Variants in FAM153A observed in about 807,000 individuals in gnomAD.
The protein encoded by FAM153A is protein FAM153A.
In FAM153A, 12 loss-of-function variants were observed where a neutral mutation model predicts 48.1. The observed-to-expected ratio is 0.25, with a 90% CI of 0.16 to 0.40. The LOEUF is 0.40. Among genes scored for constraint, FAM153A ranks in the 10% least tolerant of loss-of-function variants. FAM153A has a pLI of 1.00. For missense variants in FAM153A, 111 were observed against 345.8 expected (o/e 0.32, Z 5.38); for synonymous variants, 36 against 118.2 (o/e 0.30, Z 4.51).
At chr5:177,696,056 C>A in the FAM153A span, among the ~76,000 whole-genome samples, 2 of 138,008 alleles carry the variant, frequency 1.4e-5, no homozygotes, top group African/African-American at 2.8e-5. Flanking sequence ...GCGCTCCTCA[C>A]TTCCCAGATG....
chr5:177,715,846 A>T lies in FAM153A; in HGVS notation c.*1222+499T>A, dbSNP rs561325842. Among the ~76,000 whole-genome samples, 6 of 150,958 alleles carry T rather than the reference A, an allele frequency of 4.0e-5. No individual in the cohort carries two copies. In the South Asian group the frequency reaches 1.0e-3, roughly 26 times the overall value. ...AGCCTCCTGCGCAGCTAATTTTTAA[A>T]TTTTTTTTTGTAGAAACGGGGTCTT... On this transcript the variant is annotated intron_variant and NMD_transcript_variant, in intron 25 of 26. Transcript: ENST00000360669.
At chr5:177,719,389 C>CA (rs1281790837), downstream of FAM153A, among the ~76,000 whole-genome samples, 20 of 145,870 alleles carry the variant, frequency 1.4e-4, no homozygotes, top group Admixed American at 2.8e-4. Flanking sequence ...TTACCTCTAT[C>CA]AAAAAAGTAC....
downstream of FAM153A, among the ~76,000 whole-genome samples, chr5:177,717,649 G>A (rs992897419): frequency 7.0e-6 from 1 of 143,480 alleles, no homozygotes; most frequent in African/African-American, 2.7e-5. Context: ...AGCAATCGTG[G>A]GACAAACAGA....
At chr5:177,753,432 A>G (rs1000456208), upstream of FAM153A, 1 of 413,282 alleles carries the variant, frequency 2.4e-6, no homozygotes, top group Admixed American at 5.0e-5. Context: ...TTTCATTTCA[A>G]AAACTGAATC....
chr5:177,700,631 G>T, the FAM153A span, among the ~76,000 whole-genome samples: 1 of 151,732 alleles, frequency 6.6e-6, no homozygotes, highest in Non-Finnish European at 1.5e-5. Flanking sequence ...GTGAAATGCC[G>T]TCTCTACTAA....
chr5:177,737,848 C>T (rs778493848), intron 10 of FAM153A, among the ~76,000 whole-genome samples: 2 of 151,716 alleles, frequency 1.3e-5, no homozygotes, highest in Non-Finnish European at 2.9e-5. Context: ...AACAAAGCAA[C>T]CTTTCTTCAA....
At chr5:177,712,221 C>T (rs1175739405) in exon 27 of FAM153A, 1 of 151,766 alleles carries the variant, frequency 6.6e-6, no homozygotes, top group African/African-American at 2.4e-5. Flanking sequence ...CCTTTAATCC[C>T]AGAACTTTGG....
chr5:177,753,044 T>G (rs1767236262), intron 1 of FAM153A: 1 of 612,056 alleles, frequency 1.6e-6, no homozygotes, highest in African/African-American at 2.2e-5. Context: ...AATAAAACTC[T>G]GAAACATATT....
rs1253592596 is a variant in FAM153A, at chr5:177,768,994, C to T, written c.-57+11455G>A. Among the ~76,000 whole-genome samples the T allele has an allele frequency of 4.4e-5, 4 of 90,418 alleles. 1 individual carries two copies. The highest frequency in any genetic ancestry group is 8.4e-4 in the South Asian group (2 of 2,370). The allele number at this position is 90,418 out of a possible 152,430, so 59.3% of individuals were successfully genotyped here. A position where few individuals can be genotyped will look rare whatever the true frequency, so the allele number is the denominator to read the frequency against. On this transcript the variant is annotated intron_variant, in intron 1 of 8. Transcript: ENST00000393518. Reference sequence around the variant, plus strand: ...ATCCCAGCACTTTGGGAGGCCGAGGCGGGCAGATCACGAGGTCAGGAGATC... The same window carrying T: ...ATCCCAGCACTTTGGGAGGCCGAGGTGGGCAGATCACGAGGTCAGGAGATC...
intron 1 of FAM153A, among the ~76,000 whole-genome samples, chr5:177,758,512 C>T (rs10903251): frequency 0.48 from 53,894 of 111,670 alleles, 14,368 homozygotes; most frequent in Middle Eastern, 0.56. Flanking sequence ...GAGCCCGCAT[C>T]GCCAAGTCAA....
At chr5:177,749,215 T>G (rs1427081292) in intron 2 of FAM153A, among the ~76,000 whole-genome samples, 1 of 151,764 alleles carries the variant, frequency 6.6e-6, no homozygotes, top group Admixed American at 6.6e-5. Context: ...TGCAGTAAAC[T>G]AAATGTAATC....
downstream of FAM153A, chr5:177,706,653 C>T (rs1421308492): frequency 6.6e-6 from 1 of 151,860 alleles, no homozygotes; most frequent in East Asian, 1.9e-4. Flanking sequence ...AACCAGGACA[C>T]ACTATTTTCT....
the FAM153A span, among the ~76,000 whole-genome samples, chr5:177,694,619 T>C: frequency 1.4e-5 from 1 of 73,882 alleles, no homozygotes; most frequent in Admixed American, 1.7e-4. Flanking sequence ...GGGGATTTTA[T>C]AGGATGGCGC....
At chr5:177,755,504 G>A (rs927951311), upstream of FAM153A, among the ~76,000 whole-genome samples, 1 of 151,648 alleles carries the variant, frequency 6.6e-6, no homozygotes, top group Admixed American at 6.6e-5. Context: ...CATACTCCTC[G>A]AGAAGAGGAA....
chr5:177,756,707 G>C (rs1767774234), upstream of FAM153A, among the ~76,000 whole-genome samples: 1 of 151,540 alleles, frequency 6.6e-6, no homozygotes, highest in Admixed American at 6.6e-5. Flanking sequence ...CAACTACATG[G>C]AAACTGAACA....
At chr5:177,715,422 C>G (rs1759510054) in intron 25 of FAM153A, among the ~76,000 whole-genome samples, 1 of 151,510 alleles carries the variant, frequency 6.6e-6, no homozygotes, top group South Asian at 2.1e-4. Flanking sequence ...GGACACAATA[C>G]TGTTCCCTCA....
At position 177,736,621 on chromosome 5, in the gene FAM153A, C is replaced by A; in HGVS notation, c.634-12G>T. ...GGGTCCCCCTCCATCTAGAGAAAAACAAAACACTATGAGGATCAGACCAGG... is the reference window on the plus strand; with the variant it reads ...GGGTCCCCCTCCATCTAGAGAAAAAAAAAACACTATGAGGATCAGACCAGG... On this transcript the variant is annotated splice_polypyrimidine_tract_variant and intron_variant, in intron 11 of 20. Transcript: ENST00000614127. The A allele has an allele frequency of 6.3e-7, 1 of 1,599,560 alleles. No homozygotes were observed. The highest frequency in any genetic ancestry group is 8.5e-7 in the Non-Finnish European group (1 of 1,174,622).
At chr5:177,706,240 A>G (rs60126755), downstream of FAM153A, among the ~76,000 whole-genome samples, 936 of 151,764 alleles carry the variant, frequency 6.2e-3, 26 homozygotes, top group African/African-American at 0.021. Context: ...TCTGTCGCCC[A>G]GGCTAGAGTG....
At chr5:177,706,448 C>G (rs58633057), downstream of FAM153A, among the ~76,000 whole-genome samples, 40,393 of 151,764 alleles carry the variant, frequency 0.27, 6,033 homozygotes, top group South Asian at 0.38. Context: ...ATCCACCCGC[C>G]TCGGCCTCCC....
Sources: gnomAD v4.1 joint callset for allele counts (sites outside exome capture counted in the v4.1 genomes callset) on GRCh38, gnomAD v4.1.1 for gene constraint, MANE v1.5 for transcripts, NCBI Gene and HGNC (gene_info 2026-07-23, HGNC 2026-07-21) for gene names.